KCNJ15: variants seen among roughly 807,000 people sequenced by gnomAD.
The protein encoded by KCNJ15 is ATP-sensitive inward rectifier potassium channel 15.
In KCNJ15, 14 loss-of-function variants were observed where a neutral mutation model predicts 23.0. That is an observed-to-expected ratio of 0.61 (90% CI 0.40 to 0.95). The LOEUF (loss-of-function observed/expected upper bound fraction) is 0.95. KCNJ15 is among the 40% of genes least tolerant of loss of function. KCNJ15 has a pLI of 0.00. For missense variants in KCNJ15, 388 were observed against 461.8 expected (o/e 0.84, Z 1.46); for synonymous variants, 185 against 183.2 (o/e 1.01, Z -0.08).
intron 1 of KCNJ15, among the ~76,000 whole-genome samples, chr21:38,244,142 A>G (rs1029301817): frequency 9.9e-5 from 15 of 151,868 alleles, no homozygotes; most frequent in South Asian, 2.1e-4. Flanking sequence ...CTTTGTGACT[A>G]TCTTGTTTAT....
chr21:38,275,074 G>A (rs1982526980), intron 1 of KCNJ15, among the ~76,000 whole-genome samples: 1 of 152,050 alleles, frequency 6.6e-6, no homozygotes, highest in Non-Finnish European at 1.5e-5. Flanking sequence ...CATCCAGGCA[G>A]CAAACTCCAG....
At chr21:38,237,888 G>C (rs997185485) in intron 1 of KCNJ15, among the ~76,000 whole-genome samples, 1 of 152,190 alleles carries the variant, frequency 6.6e-6, no homozygotes, top group Non-Finnish European at 1.5e-5. Flanking sequence ...GCATCCTAAA[G>C]ATCCATCGCA....
chr21:38,262,162 A>C (rs558440706), intron 1 of KCNJ15, among the ~76,000 whole-genome samples: 1 of 152,338 alleles, frequency 6.6e-6, no homozygotes, highest in East Asian at 1.9e-4. Context: ...CAACCTTTAA[A>C]GGACAAATTT....
rs1202621053 is a variant in KCNJ15, at chr21:38,306,787, A to G, written c.*6398A>G. The G allele has an allele frequency of 6.6e-6, 1 of 152,254 alleles. No individual in the cohort carries two copies. Among genetic ancestry groups the G allele is most frequent in the African/African-American group, 2.4e-5 (1 of 41,468 alleles). 9.4% of individuals were successfully genotyped at this position (152,254 alleles called of 1,614,324 possible). A position where few individuals can be genotyped will look rare whatever the true frequency, so the allele number is the denominator to read the frequency against. ...TGTCATGGAATTGTAAGTTACAAAAATAAGGCTTTTGTAAACAGAATCTCC... is the reference window on the plus strand; with the variant it reads ...TGTCATGGAATTGTAAGTTACAAAAGTAAGGCTTTTGTAAACAGAATCTCC... On this transcript the variant is annotated 3_prime_UTR_variant, in exon 3 of 3. Transcript: ENST00000398938.
chr21:38,280,635 A>G (rs976502570), intron 1 of KCNJ15, among the ~76,000 whole-genome samples: 1 of 152,196 alleles, frequency 6.6e-6, no homozygotes, highest in African/African-American at 2.4e-5. Context: ...AAGTTTCCAG[A>G]TATAAGCCAA....
At chr21:38,298,595 G>A (rs1361686444) in intron 2 of KCNJ15, among the ~76,000 whole-genome samples, 1 of 152,096 alleles carries the variant, frequency 6.6e-6, no homozygotes, top group East Asian at 1.9e-4. Flanking sequence ...TTAGATTAGG[G>A]GGAAAACGAA....
At chr21:38,255,150 G>C (rs1047579097), upstream of KCNJ15, among the ~76,000 whole-genome samples, 1 of 152,254 alleles carries the variant, frequency 6.6e-6, no homozygotes, top group South Asian at 2.1e-4. Context: ...CTTGGGGCAC[G>C]GACTTGGATC....
rs537469856 is a variant in KCNJ15 at position 38,300,539 on chromosome 21, G to T, written c.*150G>T. 37 of 653,564 alleles carry T rather than the reference G, an allele frequency of 5.7e-5. No individual in the cohort carries two copies. The African/African-American group carries it at 6.4e-4, about 11-fold the overall frequency. The allele number at this position is 653,564 out of a possible 1,614,324, so 40.5% of individuals were successfully genotyped here. A position where few individuals can be genotyped will look rare whatever the true frequency, so the allele number is the denominator to read the frequency against. ...AAAATCAATCTTTTCCTTTGATCTTGTGGCTAAACCAGCATTTCTGTGTTT... is the reference window on the plus strand; with the variant it reads ...AAAATCAATCTTTTCCTTTGATCTTTTGGCTAAACCAGCATTTCTGTGTTT... On this transcript the variant is annotated 3_prime_UTR_variant, in exon 3 of 3. Coordinates refer to ENST00000398938, the MANE Select transcript of KCNJ15 (RefSeq NM_170736.3).
chr21:38,266,002 G>A (rs763966127), intron 1 of KCNJ15, among the ~76,000 whole-genome samples: 1 of 152,156 alleles, frequency 6.6e-6, no homozygotes, highest in African/African-American at 2.4e-5. Flanking sequence ...GCGGGAGGTC[G>A]GCAGTGTGCA....
chr21:38,249,412 G>T (rs1979677609), intron 1 of KCNJ15, among the ~76,000 whole-genome samples: 1 of 152,152 alleles, frequency 6.6e-6, no homozygotes, highest in Non-Finnish European at 1.5e-5. Flanking sequence ...AGTAAGCAGA[G>T]GTGAGTTTTC....
At chr21:38,234,888 A>G (rs550671153) in intron 1 of KCNJ15, among the ~76,000 whole-genome samples, 1 of 152,380 alleles carries the variant, frequency 6.6e-6, no homozygotes, top group South Asian at 2.1e-4. Flanking sequence ...CAAATCTGGC[A>G]ACAGAGATGT....
intron 1 of KCNJ15, among the ~76,000 whole-genome samples, chr21:38,236,822 T>C (rs1377320749): frequency 1.3e-5 from 2 of 152,248 alleles, no homozygotes; most frequent in Non-Finnish European, 2.9e-5. Context: ...AAAATACTGA[T>C]TTCTGCTCCT....
chr21:38,281,770 C>T (rs1371753216), intron 1 of KCNJ15, among the ~76,000 whole-genome samples: 17 of 152,154 alleles, frequency 1.1e-4, no homozygotes, highest in Admixed American at 1.1e-3. Context: ...ATATAGTTTC[C>T]TTTGGGAATA....
intron 1 of KCNJ15, among the ~76,000 whole-genome samples, chr21:38,257,472 G>A (rs1980377548): frequency 6.6e-6 from 1 of 152,132 alleles, no homozygotes; most frequent in Non-Finnish European, 1.5e-5. Context: ...TCTAGCTTGC[G>A]GGACAAGAAT....
At chr21:38,243,928 A>T (rs942489560) in intron 1 of KCNJ15, among the ~76,000 whole-genome samples, 2 of 151,918 alleles carry the variant, frequency 1.3e-5, no homozygotes, top group African/African-American at 4.8e-5. Flanking sequence ...CTAAAAACGA[A>T]CTCTTTGTTT....
At chr21:38,265,037 G>A (rs1186402178) in intron 1 of KCNJ15, among the ~76,000 whole-genome samples, 1 of 152,162 alleles carries the variant, frequency 6.6e-6, no homozygotes, top group Non-Finnish European at 1.5e-5. Flanking sequence ...GCAATCCCAG[G>A]CTAGAAAGGG....
chr21:38,271,476 C>G (rs1275282498), intron 1 of KCNJ15, among the ~76,000 whole-genome samples: 1 of 152,200 alleles, frequency 6.6e-6, no homozygotes, highest in African/African-American at 2.4e-5. Flanking sequence ...CAACAGAGAT[C>G]AGAGGAGTGA....
rs1302456693 is a variant in KCNJ15, at chr21:38,303,036, G to A, written c.*2647G>A. The A allele has an allele frequency of 6.6e-6, 1 of 152,030 alleles. No homozygotes were observed. Among genetic ancestry groups the A allele is most frequent in the Non-Finnish European group, 1.5e-5 (1 of 67,996 alleles). 9.4% of individuals were successfully genotyped at this position (152,030 alleles called of 1,614,324 possible). On this transcript the variant is annotated 3_prime_UTR_variant, in exon 3 of 3. Coordinates refer to ENST00000398938, the MANE Select transcript of KCNJ15 (RefSeq NM_170736.3). ...CTGGTCTTAAGAGTGCCTTAAGAGT[G>A]TCTCGTTTTTAAGAGTGTCTTAAAA...
intron 1 of KCNJ15, among the ~76,000 whole-genome samples, chr21:38,284,527 CT>C (rs1450777055): frequency 6.6e-6 from 1 of 152,242 alleles, no homozygotes; most frequent in Non-Finnish European, 1.5e-5. Context: ...ACTCAGATTA[CT>C]GAAAGTGCCG....
Sources: allele counts gnomAD v4.1 joint callset (sites outside exome capture counted in the v4.1 genomes callset), GRCh38; gene constraint gnomAD v4.1.1; transcripts MANE v1.5; gene names NCBI Gene and HGNC (gene_info 2026-07-23, HGNC 2026-07-21).